The following INO80C variants were observed in gnomAD, a reference collection of about 807,000 sequenced individuals.
INO80C encodes the protein IES6 homolog.
A neutral mutation model predicts 17.7 loss-of-function variants in INO80C; 17 were observed. That is an observed-to-expected ratio of 0.96 (90% CI 0.66 to 1.44). The LOEUF (loss-of-function observed/expected upper bound fraction) is 1.44. Ranked by LOEUF, INO80C falls within the 40% of genes most tolerant of loss-of-function variation. The pLI is 0.00. For synonymous variants in INO80C, 96 were observed against 95.8 expected (o/e 1.00, Z -0.01); for missense variants, 244 against 245.0 (o/e 1.00, Z 0.03).
chr18:35,496,741 G>A (rs2045985179), intron 1 of INO80C: 1 of 152,178 alleles, frequency 6.6e-6, no homozygotes, highest in Non-Finnish European at 1.5e-5. Flanking sequence ...TGGGGAGCAG[G>A]TCTCGAACTC....
At chr18:35,493,049 G>A (rs532104925) in intron 1 of INO80C, among the ~76,000 whole-genome samples, 114 of 152,274 alleles carry the variant, frequency 7.5e-4, no homozygotes, top group African/African-American at 2.7e-3. Flanking sequence ...GACTCTGGAC[G>A]GCATGCCTGG....
chr18:35,483,532 G>A (rs1380288801), intron 1 of INO80C: 1 of 152,262 alleles, frequency 6.6e-6, no homozygotes, highest in African/African-American at 2.4e-5. Context: ...CTCAAAACAT[G>A]CTGCTTTACT....
chr18:35,477,278 TC>T (rs1487310773), intron 4 of INO80C, among the ~76,000 whole-genome samples: 8 of 151,962 alleles, frequency 5.3e-5, no homozygotes, highest in African/African-American at 1.4e-4. Flanking sequence ...AGATATACCA[TC>T]CACACATGAA....
chr18:35,497,251 C>G (rs2045992461), intron 1 of INO80C: 3 of 815,046 alleles, frequency 3.7e-6, no homozygotes, highest in Non-Finnish European at 4.4e-6. Context: ...GATTGGGAAA[C>G]CCAGGGTCAA....
intron 1 of INO80C, among the ~76,000 whole-genome samples, chr18:35,495,274 C>T (rs536344311): frequency 4.3e-4 from 65 of 152,148 alleles, no homozygotes; most frequent in Non-Finnish European, 8.2e-4. Flanking sequence ...ACCAAAAATA[C>T]AATGGTGGCA....
At chr18:35,485,579 C>T (rs1449007686) in intron 1 of INO80C, among the ~76,000 whole-genome samples, 1 of 151,838 alleles carries the variant, frequency 6.6e-6, no homozygotes, top group Non-Finnish European at 1.5e-5. Flanking sequence ...AACTGGAACC[C>T]TCATACATTG....
chr18:35,497,443 A>T (rs2045994952), intron 1 of INO80C: 1 of 1,243,094 alleles, frequency 8.0e-7, no homozygotes, highest in Non-Finnish European at 1.0e-6. Flanking sequence ...CTCATGCTAA[A>T]GGCGACCTCG....
chr18:35,491,839 G>A (rs2045935858), intron 1 of INO80C, among the ~76,000 whole-genome samples: 1 of 152,210 alleles, frequency 6.6e-6, no homozygotes, highest in Admixed American at 6.5e-5. Flanking sequence ...AACACCCTAA[G>A]AGGAGAGGAA....
At chr18:35,470,822 GGAGT>G (rs1267639752) in intron 4 of INO80C, among the ~76,000 whole-genome samples, 1 of 152,210 alleles carries the variant, frequency 6.6e-6, no homozygotes, top group Non-Finnish European at 1.5e-5. Context: ...GTGACACCCA[GGAGT>G]TGAACAAGTA....
intron 1 of INO80C, among the ~76,000 whole-genome samples, chr18:35,488,086 G>T (rs2045895490): frequency 6.6e-6 from 1 of 152,216 alleles, no homozygotes; most frequent in Non-Finnish European, 1.5e-5. Flanking sequence ...GCTTTGCAGG[G>T]TATAGCCTCC....
chr18:35,480,686 G>A (rs1343355494), intron 1 of INO80C, 123 bp from the exon 2 acceptor site: 1 of 727,460 alleles, frequency 1.4e-6, no homozygotes, highest in Non-Finnish European at 2.4e-6. Flanking sequence ...TATGCCCAGA[G>A]CTCCAGCAGG....
intron 1 of INO80C, among the ~76,000 whole-genome samples, chr18:35,490,438 T>A (rs1232737880): frequency 6.6e-6 from 1 of 152,176 alleles, no homozygotes; most frequent in Non-Finnish European, 1.5e-5. Flanking sequence ...CAGGTCTAAT[T>A]CAGGGTAAAC....
At chr18:35,477,167 C>A (rs1285666553) in intron 4 of INO80C, among the ~76,000 whole-genome samples, 2 of 152,162 alleles carry the variant, frequency 1.3e-5, no homozygotes, top group African/African-American at 4.8e-5. Flanking sequence ...TCGCTTGAAC[C>A]CAGGAGGTAG....
intron 4 of INO80C, among the ~76,000 whole-genome samples, chr18:35,474,033 C>A (rs1467312105): frequency 1.3e-5 from 2 of 151,358 alleles, no homozygotes; most frequent in African/African-American, 4.9e-5. Context: ...TGCAAAGAAA[C>A]AGGAAAATGT....
intron 4 of INO80C, 28 bp from the exon 5 acceptor site, chr18:35,468,770 C>G (rs1414171074): frequency 6.2e-7 from 1 of 1,604,962 alleles, no homozygotes. Flanking sequence ...CAGGGAAGGG[C>G]AGAAAGTTTT....
In INO80C at chr18:35,479,407, G is replaced by C; in HGVS notation, c.272C>G (p.Ser91Cys). The change falls in exon 3 of 5, where the codon TCT becomes TGT. Residue 91 changes from serine to cysteine, a missense_variant. By Grantham distance (112) the Ser-to-Cys change is moderately radical. Coordinates refer to ENST00000334598, the MANE Select transcript of INO80C (RefSeq NM_194281.4). ...GCCAGCTACTGCGCCACCGTGGCCA[G>C]AGTGCTTGAATTGAAGGCATGGATT... ...LPFKDPNFVH[S>C]GHGGAVAGKK... 1 of 1,611,230 alleles carries C rather than the reference G, an allele frequency of 6.2e-7. No individual in the cohort carries two copies. Among genetic ancestry groups the C allele is most frequent in the South Asian group, 1.1e-5 (1 of 91,010 alleles).
chr18:35,468,817 T>G, intron 4 of INO80C, 75 bp from the exon 5 acceptor site: 1 of 1,396,774 alleles, frequency 7.2e-7, no homozygotes, highest in Non-Finnish European at 1.0e-6. Flanking sequence ...GTTTAAAAAT[T>G]TTTTCTATTT....
intron 1 of INO80C, among the ~76,000 whole-genome samples, chr18:35,495,741 G>A (rs1421208482): frequency 6.6e-6 from 1 of 152,064 alleles, no homozygotes; most frequent in East Asian, 1.9e-4. Context: ...TCGCAGGCTG[G>A]GAGCAATTAC....
chr18:35,489,874 C>T (rs1044262296), intron 1 of INO80C, among the ~76,000 whole-genome samples: 1 of 152,248 alleles, frequency 6.6e-6, no homozygotes, highest in Non-Finnish European at 1.5e-5. Flanking sequence ...CTGTTAACAC[C>T]CCTCTTCTGT....
Sources: gnomAD v4.1 joint callset for allele counts (sites outside exome capture counted in the v4.1 genomes callset) on GRCh38, gnomAD v4.1.1 for gene constraint, MANE v1.5 for transcripts, NCBI Gene and HGNC (gene_info 2026-07-23, HGNC 2026-07-21) for gene names.